ZBTB34: variants seen among roughly 807,000 people sequenced by gnomAD.
The protein encoded by ZBTB34 is zinc finger and BTB domain-containing protein 34.
ZBTB34 carries 1 observed loss-of-function variant against 33.4 expected under a neutral mutation model. That is an observed-to-expected ratio of 0.03 (90% CI 0.01 to 0.14). The LOEUF is 0.14. Among genes scored for constraint, ZBTB34 ranks in the 10% least tolerant of loss-of-function variants. ZBTB34 has a pLI of 1.00. For missense variants in ZBTB34, 406 were observed against 657.2 expected, an observed-to-expected ratio of 0.62 and a Z score of 4.18; for synonymous variants, 283 against 253.5, an observed-to-expected ratio of 1.12 and a Z score of -1.11.
intron 1 of ZBTB34, among the ~76,000 whole-genome samples, chr9:126,871,943 C>G (rs913923217): frequency 6.6e-6 from 1 of 151,876 alleles, no homozygotes; most frequent in South Asian, 2.1e-4. Context: ...TAGTGAGACC[C>G]TGTCTCTACA....
At chr9:126,863,500 G>A (rs1011064253) in intron 1 of ZBTB34, among the ~76,000 whole-genome samples, 23 of 152,070 alleles carry the variant, frequency 1.5e-4, no homozygotes, top group Non-Finnish European at 2.8e-4. Context: ...ATCTAGTTAC[G>A]TTTTATTCCC....
intron 1 of ZBTB34, among the ~76,000 whole-genome samples, chr9:126,860,955 G>A (rs1192856664): frequency 6.6e-6 from 1 of 151,442 alleles, no homozygotes; most frequent in Non-Finnish European, 1.5e-5. Flanking sequence ...CACCTGCTGG[G>A]GTCAGGCGCG....
At chr9:126,875,312 A>G (rs1588389543) in intron 1 of ZBTB34, among the ~76,000 whole-genome samples, 1 of 152,208 alleles carries the variant, frequency 6.6e-6, no homozygotes, top group African/African-American at 2.4e-5. Context: ...ATTAAATTAC[A>G]CATGCAGTGT....
At chr9:126,863,023 G>A (rs1464298475) in intron 1 of ZBTB34, among the ~76,000 whole-genome samples, 3 of 151,822 alleles carry the variant, frequency 2.0e-5, no homozygotes, top group African/African-American at 7.3e-5. Flanking sequence ...CTCTCTTAGG[G>A]TGCAGAAAGC....
chr9:126,873,274 T>C (rs901194885), intron 1 of ZBTB34, among the ~76,000 whole-genome samples: 1 of 152,172 alleles, frequency 6.6e-6, no homozygotes, highest in African/African-American at 2.4e-5. Context: ...ATGCATTTAT[T>C]TATTTTTGAG....
exon 2 of ZBTB34, chr9:126,881,297 G>A (rs938403611): frequency 1.7e-5 from 3 of 174,056 alleles, no homozygotes; most frequent in East Asian, 1.8e-4. Context: ...TTAGGATGCC[G>A]TCAGCTGATA....
At chr9:126,868,658 G>T (rs1469670580) in intron 1 of ZBTB34, among the ~76,000 whole-genome samples, 1 of 152,182 alleles carries the variant, frequency 6.6e-6, no homozygotes, top group Non-Finnish European at 1.5e-5. Flanking sequence ...TGCTTGGTCA[G>T]TCCTGGAGGG....
rs1304059268 is a variant in ZBTB34, at chr9:126,880,949, A to C, written c.*35A>C. ...GAAGTGCACCCAAACAAAGCACATT[A>C]ATCAATGCATATTTGTGATTTGCTT... On this transcript the variant is annotated 3_prime_UTR_variant, in exon 2 of 2. Coordinates refer to ENST00000319119, the Ensembl canonical transcript of ZBTB34. This position sits in a 1 kb window ranked among gnomAD's most constrained non-coding sequence, Gnocchi z 6.7. 4 of 1,560,148 alleles carry C rather than the reference A, an allele frequency of 2.6e-6. No homozygotes were observed. The highest frequency in any genetic ancestry group is 2.7e-5 in the African/African-American group (2 of 72,944).
At chr9:126,876,151 TTCCC>T (rs2033353751) in intron 1 of ZBTB34, among the ~76,000 whole-genome samples, 1 of 102,372 alleles carries the variant, frequency 9.8e-6, no homozygotes, top group African/African-American at 3.8e-5. Context: ...TTTTTTTTTT[TTCCC>T]TTCCGTCCTT....
At chr9:126,874,823 T>A (rs1449410129) in intron 1 of ZBTB34, among the ~76,000 whole-genome samples, 3 of 152,158 alleles carry the variant, frequency 2.0e-5, no homozygotes, top group Admixed American at 6.6e-5. Flanking sequence ...TACTTGTCCT[T>A]TAGTTCTTAT....
chr9:126,880,237 G>A lies in ZBTB34; in HGVS notation c.838G>A (p.Gly280Ser). 2 of 1,613,834 alleles carry A rather than the reference G, an allele frequency of 1.2e-6. No individual in the cohort carries two copies. Among genetic ancestry groups the A allele is most frequent in the South Asian group, 2.2e-5 (2 of 91,066 alleles). Residue 280 changes from glycine (G) to serine (S), a missense_variant, in exon 2 of 2, where the codon GGT (glycine) becomes AGT (serine). By Grantham distance (56) the Gly-to-Ser change is moderately conservative. Coordinates refer to ENST00000319119, the Ensembl canonical transcript of ZBTB34. The surrounding 1 kb of genome is among the most constrained non-coding windows in gnomAD (Gnocchi z 6.7). ...TGTGGCAGTGAATGTGGGCTCCTAT[G>A]GTTCTGTGCTCCAGCACGCATACTC... is the stretch of plus-strand genomic sequence containing the variant.
chr9:126,874,330 G>A lies in ZBTB34; in HGVS notation c.-10-5060G>A, dbSNP rs1016084384. On this transcript the variant is annotated intron_variant, in intron 1 of 1. Transcript: ENST00000319119. ...CTCCCAAAGTGCTGGGATTACAGGC[G>A]TGAGCCACCACGCCCGGCCTCTGCT... 3.4e-4 allele frequency among the ~76,000 whole-genome samples: 52 copies of A among 151,834 alleles called. 1 individual carries two copies. The highest frequency in any genetic ancestry group is 6.0e-4 in the Non-Finnish European group (41 of 67,942).
At chr9:126,873,292 C>T (rs755986423) in intron 1 of ZBTB34, among the ~76,000 whole-genome samples, 3 of 152,126 alleles carry the variant, frequency 2.0e-5, no homozygotes, top group East Asian at 1.9e-4. Flanking sequence ...GAGACAATGT[C>T]TCACTCTATC....
At chr9:126,881,019 C>T (rs2033433007) in exon 2 of ZBTB34, 1 of 1,300,516 alleles carries the variant, frequency 7.7e-7, no homozygotes, top group Non-Finnish European at 1.0e-6. Context: ...ATCTCTTGGT[C>T]TCTTGGCAGT....
intron 1 of ZBTB34, among the ~76,000 whole-genome samples, chr9:126,863,401 T>C (rs2119204152): frequency 6.6e-6 from 1 of 152,364 alleles, no homozygotes; most frequent in South Asian, 2.1e-4. Context: ...CTGAACTGTG[T>C]ACCTACTGAG....
chr9:126,878,686 G>T (rs937108269), intron 1 of ZBTB34, among the ~76,000 whole-genome samples: 1 of 151,402 alleles, frequency 6.6e-6, no homozygotes, highest in African/African-American at 2.4e-5. Flanking sequence ...CACAAGTAAG[G>T]TAGAACATTT....
intron 1 of ZBTB34, 39 bp downstream of exon 1, chr9:126,860,778 G>C (rs917045829): frequency 2.1e-5 from 3 of 145,394 alleles, no homozygotes; most frequent in Admixed American, 2.0e-4. Context: ...CAGCGGGCTA[G>C]GCGCGGGCGG....
At chr9:126,872,590 ACCT>A (rs1000000472) in intron 1 of ZBTB34, among the ~76,000 whole-genome samples, 19 of 152,182 alleles carry the variant, frequency 1.2e-4, no homozygotes, top group African/African-American at 4.3e-4. Context: ...AGAGGCTCTG[ACCT>A]CCTCTATCCT....
chr9:126,878,437 T>A (rs1588391119), intron 1 of ZBTB34, among the ~76,000 whole-genome samples: 1 of 150,598 alleles, frequency 6.6e-6, no homozygotes, highest in East Asian at 2.0e-4. Flanking sequence ...GCCACTGCAC[T>A]CCAGCCTGTG....
Sources: gnomAD v4.1 joint callset for allele counts (sites outside exome capture counted in the v4.1 genomes callset) on GRCh38, gnomAD v4.1.1 for gene constraint, Gnocchi (gnomAD v3.1) non-coding constraint, MANE v1.5 for transcripts, NCBI Gene and HGNC (gene_info 2026-07-23, HGNC 2026-07-21) for gene names.